Variants in SNRPN observed in about 807,000 individuals in gnomAD.
SNRPN encodes the protein small nuclear ribonucleoprotein-associated protein N.
Under a neutral mutation model 25.2 loss-of-function variants are expected in SNRPN, and 7 were observed. The observed-to-expected ratio is 0.28, with a 90% CI of 0.16 to 0.52. The LOEUF (loss-of-function observed/expected upper bound fraction) is 0.52. Ranked by LOEUF, SNRPN falls within the 20% of genes least tolerant of loss-of-function variation. The probability of loss-of-function intolerance (pLI) is 0.96; values close to 1 mark genes in which losing one functional copy is unlikely to be tolerated. For synonymous variants in SNRPN, 124 were observed against 110.6 expected, an observed-to-expected ratio of 1.12 and a Z score of -0.76; for missense variants, 196 against 322.5, an observed-to-expected ratio of 0.61 and a Z score of 3.00.
intron 1 of SNRPN, among the ~76,000 whole-genome samples, chr15:24,956,871 C>T (rs761361641): frequency 1.3e-5 from 2 of 152,196 alleles, no homozygotes; most frequent in African/African-American, 4.8e-5. Context: ...TGCTTTTCAG[C>T]TCTGCAGTAA....
chr15:24,972,355 T>C (rs2076523425), intron 3 of SNRPN, among the ~76,000 whole-genome samples: 4 of 152,086 alleles, frequency 2.6e-5, no homozygotes, highest in African/African-American at 9.7e-5. Flanking sequence ...ATTCAAAACT[T>C]CTAAGTTATA....
intron 2 of SNRPN, among the ~76,000 whole-genome samples, chr15:24,839,220 A>G (rs544899875): frequency 3.3e-5 from 5 of 151,900 alleles, no homozygotes; most frequent in Non-Finnish European, 5.9e-5. Context: ...TGGCTGTTCC[A>G]TTGTTCAGTA....
chr15:24,964,541 G>A (rs1006234488), intron 2 of SNRPN, among the ~76,000 whole-genome samples: 12 of 152,082 alleles, frequency 7.9e-5, no homozygotes, highest in Admixed American at 3.9e-4. Flanking sequence ...TGATCCGCCC[G>A]CCTTGGTTTC....
intron 2 of SNRPN, among the ~76,000 whole-genome samples, chr15:24,919,085 G>A (rs1354029612): frequency 1.4e-5 from 2 of 139,116 alleles, no homozygotes. Flanking sequence ...ATATATGTGC[G>A]CATATATATA....
At chr15:24,895,433 ACACAC>A (rs759894023) in intron 2 of SNRPN, among the ~76,000 whole-genome samples, 7 of 148,658 alleles carry the variant, frequency 4.7e-5, no homozygotes, top group Non-Finnish European at 1.0e-4. Flanking sequence ...ACACACACAC[ACACAC>A]ACGGACAACA....
chr15:24,883,178 A>G (rs751918776), intron 1 of SNRPN, among the ~76,000 whole-genome samples: 11 of 152,232 alleles, frequency 7.2e-5, no homozygotes, highest in Non-Finnish European at 1.3e-4. Flanking sequence ...TGGACAGTCA[A>G]GAAGGAAGCC....
chr15:24,827,371 C>T (rs926939123), intron 1 of SNRPN, among the ~76,000 whole-genome samples: 1 of 151,202 alleles, frequency 6.6e-6, no homozygotes, highest in Non-Finnish European at 1.5e-5. Context: ...AAAAGTTAGT[C>T]GGGTGCGGTG....
intron 3 of SNRPN, among the ~76,000 whole-genome samples, chr15:24,942,697 G>A (rs934259553): frequency 1.3e-5 from 2 of 152,124 alleles, no homozygotes; most frequent in Non-Finnish European, 2.9e-5. Flanking sequence ...ATGATGGAGG[G>A]GATTCAGTGT....
chr15:24,914,475 G>A (rs909157349), intron 2 of SNRPN, among the ~76,000 whole-genome samples: 4 of 152,090 alleles, frequency 2.6e-5, no homozygotes, highest in African/African-American at 9.7e-5. Context: ...CAAGGGGATC[G>A]ATCACTTGAG....
chr15:24,908,325 T>C (rs1014751075), intron 2 of SNRPN, among the ~76,000 whole-genome samples: 1 of 152,030 alleles, frequency 6.6e-6, no homozygotes, highest in African/African-American at 2.4e-5. Flanking sequence ...AACTGAGTAA[T>C]GGGTAGAGGC....
At chr15:24,933,828 C>T (rs899724822) in intron 3 of SNRPN, among the ~76,000 whole-genome samples, 4 of 152,104 alleles carry the variant, frequency 2.6e-5, no homozygotes, top group African/African-American at 9.7e-5. Context: ...TGGTAAGATA[C>T]GGGGAAGTCC....
At chr15:24,927,893 A>C (rs1163924751) in intron 3 of SNRPN, among the ~76,000 whole-genome samples, 1 of 152,126 alleles carries the variant, frequency 6.6e-6, no homozygotes, top group Non-Finnish European at 1.5e-5. Flanking sequence ...AGTGTTCTTA[A>C]GACTGGATTC....
At chr15:24,858,943 T>G (rs1447127782) in intron 1 of SNRPN, among the ~76,000 whole-genome samples, 1 of 152,078 alleles carries the variant, frequency 6.6e-6, no homozygotes, top group Non-Finnish European at 1.5e-5. Context: ...GGCTTATCAG[T>G]ACCAGCTCAC....
chr15:24,854,125 T>A (rs2053156000), upstream of SNRPN, among the ~76,000 whole-genome samples: 1 of 152,206 alleles, frequency 6.6e-6, no homozygotes, highest in Non-Finnish European at 1.5e-5. Context: ...GAAGGTCTTT[T>A]AATTGGCTAC....
At chr15:24,840,849 CT>C (rs1270798567) in intron 2 of SNRPN, among the ~76,000 whole-genome samples, 2 of 152,040 alleles carry the variant, frequency 1.3e-5, no homozygotes, top group Non-Finnish European at 2.9e-5. Context: ...TGGGTTGTCA[CT>C]TTTTTCTTTT....
In SNRPN at chr15:24,868,121, GTATA is replaced by G. The variant is rs71127007; in HGVS notation, c.-579+11418_-579+11421del. Among the ~76,000 whole-genome samples the G allele has an allele frequency of 5.1e-4, 75 of 145,900 alleles. 3 individuals are homozygous for G. Among genetic ancestry groups the G allele is most frequent in the Non-Finnish European group, 4.5e-5 (3 of 66,282 alleles). On this transcript the variant is annotated intron_variant, in intron 1 of 11. Transcript: ENST00000400097. ...TGTGCATGTATATGGGTGTGTGTGT[GTATA>G]TATATATATATACACACACACATAT...
At chr15:24,869,782 C>A (rs922909732) in intron 1 of SNRPN, among the ~76,000 whole-genome samples, 3 of 152,138 alleles carry the variant, frequency 2.0e-5, no homozygotes, top group African/African-American at 7.2e-5. Context: ...TTCCCTGTTT[C>A]ACTTTTTGAA....
chr15:24,826,855 G>A (rs12903075), intron 1 of SNRPN, among the ~76,000 whole-genome samples: 16,388 of 151,958 alleles, frequency 0.11, 1,078 homozygotes, highest in South Asian at 0.24. Context: ...GCATTTTTAG[G>A]CAATTTTGTC....
intron 1 of SNRPN, among the ~76,000 whole-genome samples, chr15:24,961,034 T>C (rs148247407): frequency 2.6e-5 from 4 of 152,342 alleles, no homozygotes; most frequent in African/African-American, 9.6e-5. Context: ...TTTTTCCTAT[T>C]CTGGTTATCC....
Sources: gnomAD v4.1 joint callset for allele counts (sites outside exome capture counted in the v4.1 genomes callset) on GRCh38, gnomAD v4.1.1 for gene constraint, MANE v1.5 for transcripts, NCBI Gene and HGNC (gene_info 2026-07-23, HGNC 2026-07-21) for gene names.